Variants in CDKAL1 observed in about 807,000 individuals in gnomAD.
CDKAL1 encodes threonylcarbamoyladenosine tRNA methylthiotransferase.
In CDKAL1, 32 loss-of-function variants were observed where a neutral mutation model predicts 68.2. The ratio of observed to expected loss-of-function variants is 0.47; its 90% CI spans 0.35 to 0.63. The LOEUF (loss-of-function observed/expected upper bound fraction) is 0.63, where lower values mean the gene tolerates loss of function less well. Ranked by LOEUF, CDKAL1 falls within the 30% of genes least tolerant of loss-of-function variation. The pLI is 0.00. For missense variants in CDKAL1, 606 were observed against 696.7 expected (o/e 0.87, Z 1.47); for synonymous variants, 234 against 244.3 (o/e 0.96, Z 0.39).
rs1481985191 is a variant in CDKAL1 at position 20,901,698 on chromosome 6, A to AG, written c.743-53721_743-53720insG. Among the ~76,000 whole-genome samples, 28 of 140,664 alleles carry AG rather than the reference A, an allele frequency of 2.0e-4. 1 individual carries two copies. The highest frequency in any genetic ancestry group is 3.7e-4 in the Admixed American group (5 of 13,356). The allele number at this position is 140,664 out of a possible 152,430, so 92.3% of individuals were successfully genotyped here. On this transcript the variant is annotated intron_variant, in intron 9 of 15. Transcript: ENST00000274695. ...TCCATCTGGAAAAAAAAAAAAAAAA[A>AG]AAAAAGAAAAGAAACACAGTTTTTC...
intron 13 of CDKAL1, among the ~76,000 whole-genome samples, chr6:21,113,117 C>T (rs1774204716): frequency 6.6e-6 from 1 of 152,052 alleles, no homozygotes; most frequent in African/African-American, 2.4e-5. Flanking sequence ...GTGCAGCTGC[C>T]CAAGACCACT....
intron 4 of CDKAL1, among the ~76,000 whole-genome samples, chr6:20,631,370 A>G (rs192648921): frequency 2.2e-4 from 33 of 152,246 alleles, no homozygotes; most frequent in South Asian, 1.2e-3. Flanking sequence ...CAAAGTGAAC[A>G]TGTCTAATGA....
intron 9 of CDKAL1, among the ~76,000 whole-genome samples, chr6:20,939,878 A>T (rs1763891217): frequency 1.3e-5 from 2 of 152,236 alleles, no homozygotes; most frequent in Non-Finnish European, 2.9e-5. Flanking sequence ...CAAATTACAT[A>T]TCTTACCTAT....
rs139722940 is a variant in CDKAL1 at position 20,918,513 on chromosome 6, C to T, written c.743-36906C>T. On this transcript the variant is annotated intron_variant, in intron 9 of 15. Transcript: ENST00000274695. ...GTAAACAAGTCTGCCTGCTTCCTTC[C>T]GATTGGAAGCTGTAACACATGCTCA... Among the ~76,000 whole-genome samples the T allele has an allele frequency of 2.4e-3, 368 of 152,244 alleles. 2 individuals are homozygous for T. Among genetic ancestry groups the T allele is most frequent in the Middle Eastern group, 0.017 (5 of 294 alleles).
intron 15 of CDKAL1, among the ~76,000 whole-genome samples, chr6:21,202,758 C>T (rs1277442159): frequency 6.6e-6 from 1 of 152,156 alleles, no homozygotes; most frequent in Non-Finnish European, 1.5e-5. Context: ...TCCCTCTATT[C>T]GTTCCTTAAC....
chr6:21,174,235 A>G (rs896076060), intron 13 of CDKAL1, among the ~76,000 whole-genome samples: 2 of 152,242 alleles, frequency 1.3e-5, no homozygotes, highest in African/African-American at 4.8e-5. Context: ...ATGAAAAGGG[A>G]TATTTTTCTG....
chr6:20,837,973 GTGTGTGTGTA>G (rs964060598), intron 8 of CDKAL1, among the ~76,000 whole-genome samples: 2 of 149,072 alleles, frequency 1.3e-5, no homozygotes, highest in African/African-American at 5.0e-5. Flanking sequence ...GTGTGTGTGT[GTGTGTGTGTA>G]TACTTCTATG....
intron 4 of CDKAL1, among the ~76,000 whole-genome samples, chr6:20,637,825 T>C (rs760411832): frequency 2.7e-4 from 41 of 152,296 alleles, no homozygotes; most frequent in Non-Finnish European, 5.0e-4. Context: ...CAAATGTGAT[T>C]ATATATTCTA....
chr6:20,953,143 AT>A (rs1311396509), intron 9 of CDKAL1, among the ~76,000 whole-genome samples: 4 of 152,172 alleles, frequency 2.6e-5, no homozygotes, highest in African/African-American at 7.2e-5. Flanking sequence ...CATCAAGACC[AT>A]TGTTCCTATT....
At chr6:21,003,343 A>ATATATATATATATAT (rs1767532080) in intron 11 of CDKAL1, among the ~76,000 whole-genome samples, 1 of 40,450 alleles carries the variant, frequency 2.5e-5, no homozygotes, top group Non-Finnish European at 4.8e-5. Context: ...ATCTCTACTA[A>ATATATATATATATAT]ATATATATAT....
intron 13 of CDKAL1, among the ~76,000 whole-genome samples, chr6:21,189,437 C>A (rs1778147775): frequency 2.0e-5 from 3 of 152,176 alleles, no homozygotes; most frequent in Admixed American, 1.3e-4. Flanking sequence ...ACATTTATAT[C>A]TATTAATAAG....
At chr6:21,014,536 G>A (rs1375782347) in intron 11 of CDKAL1, among the ~76,000 whole-genome samples, 2 of 152,008 alleles carry the variant, frequency 1.3e-5, no homozygotes, top group African/African-American at 4.8e-5. Flanking sequence ...GTGTGAACCT[G>A]GGAGGCGGAG....
At chr6:21,167,793 T>C (rs1166837733) in intron 13 of CDKAL1, among the ~76,000 whole-genome samples, 1 of 152,222 alleles carries the variant, frequency 6.6e-6, no homozygotes, top group Non-Finnish European at 1.5e-5. Flanking sequence ...ATAAATTAAA[T>C]TCATGGCTTC....
At chr6:20,567,598 T>A (rs1764512384) in intron 4 of CDKAL1, among the ~76,000 whole-genome samples, 1 of 152,164 alleles carries the variant, frequency 6.6e-6, no homozygotes, top group African/African-American at 2.4e-5. Flanking sequence ...TGGGGTGATG[T>A]CTTCATAGAA....
At chr6:21,168,408 C>A (rs1036913175) in intron 13 of CDKAL1, among the ~76,000 whole-genome samples, 1 of 152,172 alleles carries the variant, frequency 6.6e-6, no homozygotes, top group African/African-American at 2.4e-5. Context: ...TGAGCAGATG[C>A]TGTACAGGTA....
At chr6:20,845,732 T>C (rs1449703852) in intron 8 of CDKAL1, among the ~76,000 whole-genome samples, 11 of 152,212 alleles carry the variant, frequency 7.2e-5, no homozygotes, top group Admixed American at 7.2e-4. Context: ...GCCAAAGTAA[T>C]GTCAGTAGTT....
intron 13 of CDKAL1, among the ~76,000 whole-genome samples, chr6:21,151,994 G>C (rs951275559): frequency 1.3e-5 from 2 of 152,236 alleles, no homozygotes; most frequent in Admixed American, 6.5e-5. Flanking sequence ...CTCCTACTGA[G>C]TATTAATAGT....
intron 9 of CDKAL1, among the ~76,000 whole-genome samples, chr6:20,848,532 A>G (rs1209983265): frequency 6.6e-6 from 1 of 152,186 alleles, no homozygotes; most frequent in African/African-American, 2.4e-5. Flanking sequence ...GGACTAGTTA[A>G]GGCGAGTGAT....
chr6:20,579,851 T>C (rs1163790684), intron 4 of CDKAL1, among the ~76,000 whole-genome samples: 1 of 152,204 alleles, frequency 6.6e-6, no homozygotes, highest in African/African-American at 2.4e-5. Flanking sequence ...ACTTTGATAA[T>C]TTCTATAATT....
Sources: allele counts gnomAD v4.1 joint callset (sites outside exome capture counted in the v4.1 genomes callset), GRCh38; gene constraint gnomAD v4.1.1; transcripts MANE v1.5; gene names NCBI Gene and HGNC (gene_info 2026-07-23, HGNC 2026-07-21).